Variants in SRGAP3 observed in about 807,000 individuals in gnomAD.
SRGAP3 encodes the protein SLIT-ROBO Rho GTPase activating protein 3.
Under a neutral mutation model 121.1 loss-of-function variants are expected in SRGAP3, and 39 were observed. The ratio of observed to expected loss-of-function variants is 0.32; its 90% CI spans 0.25 to 0.42. The LOEUF (loss-of-function observed/expected upper bound fraction) is 0.42. Ranked by LOEUF, SRGAP3 falls within the 10% of genes least tolerant of loss-of-function variation. The pLI, the probability that SRGAP3 is intolerant of heterozygous loss-of-function variation, is 1.00. For synonymous variants in SRGAP3, 601 were observed against 570.0 expected, an observed-to-expected ratio of 1.05 and a Z score of -0.77; for missense variants, 1,213 against 1,470.6, an observed-to-expected ratio of 0.82 and a Z score of 2.86.
intron 2 of SRGAP3, among the ~76,000 whole-genome samples, chr3:9,116,852 TCA>T (rs1285353705): frequency 6.6e-6 from 1 of 152,194 alleles, no homozygotes; most frequent in East Asian, 1.9e-4. Flanking sequence ...TCTCGAAAAC[TCA>T]GTGTCTTCAC....
At chr3:9,286,469 T>C (rs1305146409) in intron 3 of SRGAP3, among the ~76,000 whole-genome samples, 3 of 152,088 alleles carry the variant, frequency 2.0e-5, no homozygotes, top group African/African-American at 4.8e-5. Flanking sequence ...CAGACCAGCC[T>C]GGGCAACACA....
chr3:9,216,196 T>C lies in SRGAP3; in HGVS notation c.67+32689A>G, dbSNP rs138489951. Among the ~76,000 whole-genome samples, 695 of 152,344 alleles carry C rather than the reference T, an allele frequency of 4.6e-3. 7 individuals are homozygous for C. Among genetic ancestry groups the C allele is most frequent in the African/African-American group, 0.016 (667 of 41,572 alleles). ...TCATTCTCTTATGCTTTCCCTCTTCTGTGCTTCATCTTCTTACTTCCACAG... is the reference window on the plus strand; with the variant it reads ...TCATTCTCTTATGCTTTCCCTCTTCCGTGCTTCATCTTCTTACTTCCACAG... On this transcript the variant is annotated intron_variant, in intron 1 of 21. Coordinates refer to ENST00000383836, the MANE Select transcript of SRGAP3 (RefSeq NM_014850.4).
intron 1 of SRGAP3, among the ~76,000 whole-genome samples, chr3:9,359,657 T>C (rs938949517): frequency 6.6e-6 from 1 of 151,998 alleles, no homozygotes; most frequent in African/African-American, 2.4e-5. Context: ...CAGATTAGAG[T>C]CTTGCCAAGT....
chr3:9,142,421 T>C (rs1949885634), intron 1 of SRGAP3, among the ~76,000 whole-genome samples: 1 of 152,234 alleles, frequency 6.6e-6, no homozygotes, highest in African/African-American at 2.4e-5. Flanking sequence ...CAAATTTCAA[T>C]AGTCAGGCTG....
chr3:9,116,603 G>T (rs1285545768), intron 2 of SRGAP3, among the ~76,000 whole-genome samples: 3 of 152,192 alleles, frequency 2.0e-5, no homozygotes, highest in Admixed American at 2.0e-4. Context: ...CCCTAAGCTG[G>T]CCTCTGTGTA....
intron 1 of SRGAP3, among the ~76,000 whole-genome samples, chr3:9,190,484 T>C (rs1487391939): frequency 1.3e-5 from 2 of 152,086 alleles, no homozygotes; most frequent in African/African-American, 4.8e-5. Context: ...AAACTGAAAA[T>C]GTAGTATAAC....
chr3:9,299,133 C>T (rs1429963652), intron 3 of SRGAP3, among the ~76,000 whole-genome samples: 4 of 150,732 alleles, frequency 2.7e-5, no homozygotes, highest in African/African-American at 2.4e-5. Context: ...GAGGCCGAGC[C>T]GGATGGATCA....
At chr3:9,246,756 G>T (rs1312444297) in intron 1 of SRGAP3, among the ~76,000 whole-genome samples, 1 of 152,178 alleles carries the variant, frequency 6.6e-6, no homozygotes, top group Non-Finnish European at 1.5e-5. Context: ...TTCAGGGACA[G>T]CCATATCCTG....
chr3:8,994,629 G>A (rs1457297558), intron 18 of SRGAP3, 106 bp from the exon 19 acceptor site: 1 of 1,438,898 alleles, frequency 6.9e-7, no homozygotes, highest in Non-Finnish European at 9.6e-7. Context: ...AGACTGCACA[G>A]CTGGTGAGAA....
At chr3:9,228,336 C>T (rs529620714) in intron 1 of SRGAP3, among the ~76,000 whole-genome samples, 1 of 152,290 alleles carries the variant, frequency 6.6e-6, no homozygotes, top group East Asian at 1.9e-4. Context: ...GTCAGAAATG[C>T]AGATATTTAA....
intron 18 of SRGAP3, among the ~76,000 whole-genome samples, chr3:8,998,368 G>A (rs1193078867): frequency 1.3e-5 from 2 of 152,094 alleles, no homozygotes; most frequent in Non-Finnish European, 2.9e-5. Flanking sequence ...GTACTCAAAT[G>A]TCATTGCCTT....
At chr3:9,099,765 G>C (rs1948139456) in intron 3 of SRGAP3, among the ~76,000 whole-genome samples, 1 of 152,226 alleles carries the variant, frequency 6.6e-6, no homozygotes, top group African/African-American at 2.4e-5. Context: ...GGAAACTGTG[G>C]GGCTGGGGCC....
At chr3:9,226,023 G>T (rs1162427) in intron 1 of SRGAP3, among the ~76,000 whole-genome samples, 132,134 of 152,218 alleles carry the variant, frequency 0.87, 57,452 homozygotes, top group Admixed American at 0.9. Context: ...AGGCTGGATC[G>T]GGCCCATGTG....
At chr3:9,138,544 G>T (rs1949742478) in intron 1 of SRGAP3, among the ~76,000 whole-genome samples, 1 of 152,180 alleles carries the variant, frequency 6.6e-6, no homozygotes. Context: ...ACTATCTGTT[G>T]TCATGAGTTA....
intron 1 of SRGAP3, among the ~76,000 whole-genome samples, chr3:9,126,854 G>A (rs192372431): frequency 6.6e-6 from 1 of 152,266 alleles, no homozygotes; most frequent in African/African-American, 2.4e-5. Flanking sequence ...GGGTACCCAA[G>A]AAGCCCTGGC....
intron 9 of SRGAP3, among the ~76,000 whole-genome samples, chr3:9,050,993 A>G (rs772128042): frequency 6.7e-6 from 1 of 148,588 alleles, no homozygotes; most frequent in Non-Finnish European, 1.5e-5. Context: ...AATGACTACA[A>G]TCCAATCAAT....
chr3:9,287,684 T>A (rs1311818158), intron 3 of SRGAP3, among the ~76,000 whole-genome samples: 1 of 152,196 alleles, frequency 6.6e-6, no homozygotes, highest in Non-Finnish European at 1.5e-5. Context: ...ATGGGTACAC[T>A]AAAAGCCCAG....
chr3:9,093,553 TCATCCATCCATTCATC>T (rs1027929549), intron 3 of SRGAP3, among the ~76,000 whole-genome samples: 1 of 151,192 alleles, frequency 6.6e-6, no homozygotes, highest in Non-Finnish European at 1.5e-5. Context: ...ACTCATCCAC[TCATCCATCCATTCATC>T]CATCCATCCA....
At chr3:9,047,584 C>G in intron 9 of SRGAP3, 109 bp from the exon 10 acceptor site, 1 of 1,012,884 alleles carries the variant, frequency 9.9e-7, no homozygotes, top group Non-Finnish European at 1.5e-6. Context: ...GATCACGTCA[C>G]CCGCAGGGAC....
Sources: gnomAD v4.1 joint callset for allele counts (sites outside exome capture counted in the v4.1 genomes callset) on GRCh38, gnomAD v4.1.1 for gene constraint, MANE v1.5 for transcripts, NCBI Gene and HGNC (gene_info 2026-07-23, HGNC 2026-07-21) for gene names.